The following PCCB variants were observed in gnomAD, a reference collection of about 807,000 sequenced individuals.
PCCB encodes the protein propionyl-CoA carboxylase beta chain, mitochondrial.
Under a neutral mutation model 60.7 loss-of-function variants are expected in PCCB, and 43 were observed. That is an observed-to-expected ratio of 0.71 (90% CI 0.55 to 0.91). The LOEUF (loss-of-function observed/expected upper bound fraction) is 0.91, where lower values mean the gene tolerates loss of function less well. Ranked by LOEUF, PCCB falls within the 40% of genes least tolerant of loss-of-function variation. The probability of loss-of-function intolerance (pLI) is 0.00; values close to 1 mark genes in which losing one functional copy is unlikely to be tolerated. For missense variants in PCCB, 766 were observed against 702.8 expected (o/e 1.09, Z -1.02); for synonymous variants, 276 against 255.9 (o/e 1.08, Z -0.75).
At chr3:136,258,898 C>T (rs953305588) in intron 3 of PCCB, among the ~76,000 whole-genome samples, 1 of 152,006 alleles carries the variant, frequency 6.6e-6, no homozygotes. Flanking sequence ...ATTACCCCCA[C>T]TGCAGGTGTG....
At chr3:136,290,568 C>T (rs1325003809) in intron 6 of PCCB, among the ~76,000 whole-genome samples, 1 of 150,744 alleles carries the variant, frequency 6.6e-6, no homozygotes, top group East Asian at 1.9e-4. Context: ...CCTGTGTTTC[C>T]CAGGCTGGTT....
intron 9 of PCCB, among the ~76,000 whole-genome samples, chr3:136,311,841 C>T (rs1934681396): frequency 6.6e-6 from 1 of 152,088 alleles, no homozygotes; most frequent in African/African-American, 2.4e-5. Flanking sequence ...AAAGACATTC[C>T]TTGTTCCTGG....
intron 6 of PCCB, among the ~76,000 whole-genome samples, chr3:136,291,145 T>G (rs1295912378): frequency 6.6e-6 from 1 of 152,080 alleles, no homozygotes; most frequent in Non-Finnish European, 1.5e-5. Flanking sequence ...ATTTTGTTTG[T>G]TTTTGTTTTT....
In PCCB at chr3:136,255,769, C is replaced by T. The variant is rs2305265; in HGVS notation, c.184-87C>T. On this transcript the variant is annotated intron_variant, in intron 1 of 14. Transcript: ENST00000251654. ...GCATTGAGATCAACGGGCAAATCTG[C>T]CCTTCAAGCCCTCCCATGAACAGCC... 4,637 of 1,170,752 alleles carry T rather than the reference C, an allele frequency of 4.0e-3. 91 individuals are homozygous for T. The highest frequency in any genetic ancestry group is 0.039 in the East Asian group (1,678 of 42,832). 72.5% of individuals were successfully genotyped at this position (1,170,752 alleles called of 1,614,324 possible). A position where few individuals can be genotyped will look rare whatever the true frequency, so the allele number is the denominator to read the frequency against.
intron 9 of PCCB, 35 bp from the exon 10 acceptor site, chr3:136,316,906 C>T: frequency 6.2e-7 from 1 of 1,612,204 alleles, no homozygotes; most frequent in Non-Finnish European, 8.5e-7. Flanking sequence ...CTTGTCTTTA[C>T]CATTTTGAGC....
intron 1 of PCCB, among the ~76,000 whole-genome samples, chr3:136,255,127 G>T (rs920218080): frequency 6.6e-6 from 1 of 152,108 alleles, no homozygotes; most frequent in African/African-American, 2.4e-5. Flanking sequence ...ACCCGCCTCT[G>T]CCTCTCAAAG....
chr3:136,263,998 C>G (rs1449252125), intron 5 of PCCB, among the ~76,000 whole-genome samples: 1 of 144,856 alleles, frequency 6.9e-6, no homozygotes, highest in African/African-American at 2.6e-5. Context: ...GGTGACAGAG[C>G]AAGACTCTGT....
At chr3:136,268,134 A>ATG (rs1347020565) in intron 5 of PCCB, among the ~76,000 whole-genome samples, 2 of 136,950 alleles carry the variant, frequency 1.5e-5, no homozygotes, top group Non-Finnish European at 3.1e-5. Context: ...ATATATATAT[A>ATG]TATATATCTA....
rs777726717 is a variant in PCCB, at chr3:136,250,433, G to T, written c.58G>T (p.Gly20Cys). 3 of 1,595,434 alleles carry T rather than the reference G, an allele frequency of 1.9e-6. No individual in the cohort carries two copies. The South Asian group carries it at 3.4e-5, about 18-fold the overall frequency. Residue 20 changes from glycine (G) to cysteine (C), a missense_variant, in exon 1 of 15, where the codon GGT becomes TGT. Transcript: ENST00000251654. ...VGARLSVLAS[G>C]LRAAVRSLCS... ...GGCAAGGCTCAGCGTTCTGGCGAGC[G>T]GTCTCCGCGCCGCGGTCCGCAGCCT... is the stretch of plus-strand genomic sequence containing the variant.
intron 6 of PCCB, among the ~76,000 whole-genome samples, chr3:136,293,263 A>G (rs1172839091): frequency 6.6e-6 from 1 of 152,206 alleles, no homozygotes; most frequent in Non-Finnish European, 1.5e-5. Context: ...TTGGCTTTCC[A>G]AAGTGTTGGG....
chr3:136,326,585 A>G (rs181838943), intron 10 of PCCB, among the ~76,000 whole-genome samples: 11 of 152,318 alleles, frequency 7.2e-5, no homozygotes, highest in Non-Finnish European at 1.5e-4. Flanking sequence ...AGTCTGTAGT[A>G]GTCTAGTTCT....
chr3:136,286,205 A>G (rs1933397504), intron 6 of PCCB, among the ~76,000 whole-genome samples: 1 of 152,254 alleles, frequency 6.6e-6, no homozygotes, highest in Non-Finnish European at 1.5e-5. Flanking sequence ...AGAGTCACTG[A>G]TAATAACAAT....
chr3:136,265,066 C>G (rs1442478826), intron 5 of PCCB, among the ~76,000 whole-genome samples: 1 of 151,800 alleles, frequency 6.6e-6, no homozygotes, highest in Non-Finnish European at 1.5e-5. Context: ...TGATGGCGAG[C>G]GCCTGTAATC....
intron 6 of PCCB, among the ~76,000 whole-genome samples, chr3:136,289,660 C>A (rs1307984699): frequency 1.3e-5 from 2 of 151,992 alleles, no homozygotes; most frequent in African/African-American, 2.4e-5. Flanking sequence ...GGATTAGTAT[C>A]TACCATATTT....
At chr3:136,271,626 A>G (rs956539112) in intron 5 of PCCB, among the ~76,000 whole-genome samples, 11 of 152,160 alleles carry the variant, frequency 7.2e-5, no homozygotes, top group Non-Finnish European at 7.4e-5. Flanking sequence ...AGCTGTTGTA[A>G]AAGGAATTGA....
chr3:136,299,639 T>C (rs961514338), intron 8 of PCCB, among the ~76,000 whole-genome samples: 1 of 113,988 alleles, frequency 8.8e-6, no homozygotes, highest in Non-Finnish European at 1.8e-5. Flanking sequence ...TGCATGTGTA[T>C]GTATGTATAT....
At position 136,293,846 on chromosome 3, in the gene PCCB, A is replaced by ACC; in HGVS notation, c.747_748dup (p.His250ProfsTer32). 6.3e-7 allele frequency: 1 copy of ACC among 1,595,490 alleles called. No homozygotes were observed. The highest frequency in any genetic ancestry group is 8.6e-7 in the Non-Finnish European group (1 of 1,163,174). On this transcript the variant is annotated frameshift_variant, in exon 7 of 15. Transcript: ENST00000251654. LOFTEE classifies it high-confidence loss of function. The stretch of plus-strand genomic sequence containing the variant: ...CCAGGAGGAGCTCGGTGGTGCCAAG[A>ACC]CCCACACCACCATGTCAGGTGAGAG...
chr3:136,300,990 C>T (rs746971327), intron 8 of PCCB, 40 bp from the exon 9 acceptor site: 21 of 1,496,088 alleles, frequency 1.4e-5, no homozygotes, highest in Admixed American at 1.3e-4. Context: ...GTAACTGGCT[C>T]TTCCTATGTT....
chr3:136,267,871 A>G (rs1005786006), intron 5 of PCCB, among the ~76,000 whole-genome samples: 5 of 149,150 alleles, frequency 3.4e-5, no homozygotes, highest in South Asian at 2.1e-4. Context: ...TTCTATTGTC[A>G]TATGTAAAAA....
Sources: gnomAD v4.1 joint callset for allele counts (sites outside exome capture counted in the v4.1 genomes callset) on GRCh38, gnomAD v4.1.1 for gene constraint, MANE v1.5 for transcripts, NCBI Gene and HGNC (gene_info 2026-07-23, HGNC 2026-07-21) for gene names.